Variants in GRHL2 observed in about 807,000 individuals in gnomAD.
GRHL2 encodes grainyhead-like protein 2 homolog.
GRHL2 carries 21 observed loss-of-function variants against 83.8 expected under a neutral mutation model. The ratio of observed to expected loss-of-function variants is 0.25; its 90% CI spans 0.18 to 0.36. GRHL2 has a LOEUF of 0.36. Among genes scored for constraint, GRHL2 ranks in the 10% least tolerant of loss-of-function variants. The pLI is 1.00. For synonymous variants in GRHL2, 280 were observed against 278.9 expected, an observed-to-expected ratio of 1.00 and a Z score of -0.04; for missense variants, 623 against 781.8, an observed-to-expected ratio of 0.80 and a Z score of 2.42.
intron 5 of GRHL2, among the ~76,000 whole-genome samples, chr8:101,571,858 G>T (rs948517359): frequency 1.3e-5 from 2 of 152,192 alleles, no homozygotes; most frequent in East Asian, 3.8e-4. Context: ...GGGAATAGGA[G>T]TCTAATTTGC....
At chr8:101,655,747 T>C (rs1036465324) in intron 14 of GRHL2, among the ~76,000 whole-genome samples, 10 of 152,254 alleles carry the variant, frequency 6.6e-5, no homozygotes, top group African/African-American at 2.4e-4. Context: ...GATGATTCAA[T>C]TTGGCTTCTT....
chr8:101,587,037 A>C (rs1339684431), intron 7 of GRHL2, among the ~76,000 whole-genome samples: 2 of 152,206 alleles, frequency 1.3e-5, no homozygotes, highest in Admixed American at 6.5e-5. Flanking sequence ...TCTCCTTTTA[A>C]ACTTAACTAG....
chr8:101,656,276 G>T (rs1249249147), intron 14 of GRHL2, among the ~76,000 whole-genome samples: 2 of 152,218 alleles, frequency 1.3e-5, no homozygotes, highest in Non-Finnish European at 2.9e-5. Context: ...TCTGCTGTAT[G>T]TATACCCCTA....
intron 14 of GRHL2, among the ~76,000 whole-genome samples, chr8:101,662,940 C>A (rs954382249): frequency 2.0e-5 from 3 of 151,808 alleles, no homozygotes; most frequent in Non-Finnish European, 4.4e-5. Flanking sequence ...ATTTTCTCCT[C>A]AATATGTTAA....
intron 4 of GRHL2, chr8:101,562,481 A>G (rs1331330352): frequency 3.3e-5 from 11 of 331,802 alleles, no homozygotes; most frequent in East Asian, 6.9e-5. Flanking sequence ...ACACTTCTCA[A>G]TATGCATATT....
At chr8:101,633,667 A>G (rs1813230913) in intron 11 of GRHL2, among the ~76,000 whole-genome samples, 1 of 152,214 alleles carries the variant, frequency 6.6e-6, no homozygotes, top group Admixed American at 6.5e-5. Flanking sequence ...TTGGATAAGA[A>G]CAAGGACACA....
At chr8:101,671,106 G>A (rs377020133), downstream of GRHL2, among the ~76,000 whole-genome samples, 34 of 152,278 alleles carry the variant, frequency 2.2e-4, no homozygotes, top group African/African-American at 6.0e-4. Context: ...TGCAGACGAC[G>A]GTTGATTTCT....
intron 1 of GRHL2, among the ~76,000 whole-genome samples, chr8:101,521,070 C>T (rs1810672403): frequency 6.6e-6 from 1 of 152,110 alleles, no homozygotes; most frequent in South Asian, 2.1e-4. Context: ...AGGGGAACCA[C>T]CTGTGAGAAA....
intron 7 of GRHL2, among the ~76,000 whole-genome samples, chr8:101,582,546 C>T (rs969131279): frequency 9.9e-5 from 15 of 152,194 alleles, no homozygotes; most frequent in African/African-American, 3.4e-4. Context: ...AGCCTTGGGT[C>T]CCCAATGGAG....
intron 14 of GRHL2, among the ~76,000 whole-genome samples, chr8:101,655,782 T>C (rs1265186199): frequency 6.6e-6 from 1 of 152,260 alleles, no homozygotes; most frequent in Admixed American, 6.5e-5. Flanking sequence ...GGTTTTAAAC[T>C]GCCTTAAAGA....
chr8:101,645,221 C>T (rs1178490381), intron 13 of GRHL2, among the ~76,000 whole-genome samples: 1 of 148,908 alleles, frequency 6.7e-6, no homozygotes, highest in Non-Finnish European at 1.5e-5. Flanking sequence ...CAACCTCCAC[C>T]TCCTGGGTTC....
In GRHL2 at chr8:101,666,718, T is replaced by C. The variant is rs760643767; in HGVS notation, c.*15T>C. On this transcript the variant is annotated 3_prime_UTR_variant, in exon 16 of 16. Transcript: ENST00000646743. ...TGGAAATCTAGCCCTGGGTTTGGCA[T>C]CCGCTTTGGCTGGAGCTCTCAGTGC... The C allele has an allele frequency of 2.0e-6, 3 of 1,529,678 alleles. No individual in the cohort carries two copies. The South Asian group carries it at 3.4e-5, about 17-fold the overall frequency. 94.8% of individuals were successfully genotyped at this position (1,529,678 alleles called of 1,614,324 possible).
intron 8 of GRHL2, among the ~76,000 whole-genome samples, chr8:101,613,201 A>G (rs1038602254): frequency 6.6e-6 from 1 of 150,972 alleles, no homozygotes; most frequent in Admixed American, 6.6e-5. Context: ...GCACTGGAAG[A>G]ATATGGGGAA....
chr8:101,560,156 C>T (rs1811578108), intron 4 of GRHL2, among the ~76,000 whole-genome samples: 2 of 148,802 alleles, frequency 1.3e-5, no homozygotes, highest in Admixed American at 1.3e-4. Context: ...CAGGTGTGCA[C>T]CACCATGCCT....
At chr8:101,652,395 GTGTCTGGT>G (rs1813661004) in intron 14 of GRHL2, among the ~76,000 whole-genome samples, 1 of 57,430 alleles carries the variant, frequency 1.7e-5, no homozygotes, top group African/African-American at 1.6e-4. Context: ...GTGTGTGTGT[GTGTCTGGT>G]GTGTGTGTGG....
chr8:101,577,331 T>C (rs1359282680), intron 6 of GRHL2, 77 bp from the exon 7 acceptor site: 3 of 888,266 alleles, frequency 3.4e-6, no homozygotes, highest in African/African-American at 3.2e-5. Flanking sequence ...ACACCTCTGG[T>C]AGAACTTCCA....
At chr8:101,592,835 A>T (rs530908942) in intron 7 of GRHL2, among the ~76,000 whole-genome samples, 1 of 152,340 alleles carries the variant, frequency 6.6e-6, no homozygotes, top group Admixed American at 6.5e-5. Flanking sequence ...AGACTTAGAG[A>T]GGACCTTGAA....
chr8:101,627,303 A>T (rs2130387964), intron 9 of GRHL2, among the ~76,000 whole-genome samples: 1 of 152,054 alleles, frequency 6.6e-6, no homozygotes, highest in Admixed American at 6.6e-5. Flanking sequence ...CATTTTGGTG[A>T]TTCTCTCAAC....
intron 1 of GRHL2, among the ~76,000 whole-genome samples, chr8:101,504,448 G>A (rs1003875317): frequency 2.6e-5 from 4 of 152,166 alleles, no homozygotes; most frequent in Admixed American, 6.5e-5. Flanking sequence ...TGGGCTGCAT[G>A]TGCCTATGGA....
Sources: gnomAD v4.1 joint callset for allele counts (sites outside exome capture counted in the v4.1 genomes callset) on GRCh38, gnomAD v4.1.1 for gene constraint, MANE v1.5 for transcripts, NCBI Gene and HGNC (gene_info 2026-07-23, HGNC 2026-07-21) for gene names.